The following RHCE variants were observed in gnomAD, a reference collection of about 807,000 sequenced individuals.
RHCE encodes the protein Rh blood group CcEe antigens, also known as blood group Rh(CE) polypeptide.
A neutral mutation model predicts 43.8 loss-of-function variants in RHCE; 22 were observed. The ratio of observed to expected loss-of-function variants is 0.50; its 90% CI spans 0.36 to 0.72. The LOEUF (loss-of-function observed/expected upper bound fraction) is 0.72. Ranked by LOEUF, RHCE falls within the 30% of genes least tolerant of loss-of-function variation. RHCE has a pLI of 0.00. For missense variants in RHCE, 385 were observed against 525.4 expected, an observed-to-expected ratio of 0.73 and a Z score of 2.61; for synonymous variants, 156 against 210.7, an observed-to-expected ratio of 0.74 and a Z score of 2.25.
intron 1 of RHCE, among the ~76,000 whole-genome samples, chr1:25,416,995 G>A (rs933187260): frequency 6.6e-6 from 1 of 150,948 alleles, no homozygotes; most frequent in African/African-American, 2.4e-5. Flanking sequence ...GACCCTACGT[G>A]CCCATCTCCA....
At chr1:25,410,291 T>C (rs1647031721) in intron 1 of RHCE, among the ~76,000 whole-genome samples, 1 of 152,176 alleles carries the variant, frequency 6.6e-6, no homozygotes, top group Non-Finnish European at 1.5e-5. Context: ...AATCACCAAC[T>C]GTTTTCGCAC....
intron 6 of RHCE, among the ~76,000 whole-genome samples, chr1:25,386,996 A>C (rs1446475524): frequency 5.3e-5 from 8 of 152,176 alleles, no homozygotes; most frequent in Non-Finnish European, 1.5e-5. Flanking sequence ...GCACCACTGC[A>C]CTCCAGCCTG....
chr1:25,417,132 C>G (rs623811), intron 1 of RHCE, among the ~76,000 whole-genome samples: 1 of 103,612 alleles, frequency 9.7e-6, no homozygotes, highest in South Asian at 2.4e-4. Flanking sequence ...ACAGATAGAG[C>G]CTTAAAAAAC....
intron 5 of RHCE, among the ~76,000 whole-genome samples, chr1:25,389,800 T>C (rs2375326): frequency 0.053 from 8,032 of 152,158 alleles, 666 homozygotes; most frequent in African/African-American, 0.18. Flanking sequence ...GTTCCTGGGT[T>C]ATAGCTCTGC....
rs2375317 is a variant in RHCE, at chr1:25,394,910, A to G, written c.487-2769T>C. On this transcript the variant is annotated intron_variant, in intron 3 of 9. Transcript: ENST00000294413. ...CTGGTCCCTGGCTCTGGTTCCCCCGAGCCCTCCTGCTGAAGAAACCCAGGC... is the reference window on the plus strand; with the variant it reads ...CTGGTCCCTGGCTCTGGTTCCCCCGGGCCCTCCTGCTGAAGAAACCCAGGC... 1.4e-3 allele frequency among the ~76,000 whole-genome samples: 210 copies of G among 145,810 alleles called. 2 individuals carry two copies. Among genetic ancestry groups the G allele is most frequent in the African/African-American group, 3.7e-3 (148 of 40,240 alleles).
Position 25,429,713 on chromosome 1 carries a change from CA to C in RHCE, c.-137+226del, listed in dbSNP as rs200052186. Among the ~76,000 whole-genome samples, 1,308 of 152,126 alleles carry C rather than the reference CA, an allele frequency of 8.6e-3. 13 individuals carry two copies. The highest frequency in any genetic ancestry group is 0.029 in the African/African-American group (1,194 of 41,498). On this transcript the variant is annotated intron_variant, in intron 1 of 11. Coordinates refer to the RHCE transcript ENST00000349320. ...CCATAGGGGAAAATTGGAAAACAAG[CA>C]AATACAATAAAATGTCAACTGTATT... is the stretch of plus-strand genomic sequence containing the variant.
intron 2 of RHCE, among the ~76,000 whole-genome samples, chr1:25,425,864 G>A (rs1366401877): frequency 6.6e-6 from 1 of 152,198 alleles, no homozygotes; most frequent in African/African-American, 2.4e-5. Flanking sequence ...ATGTGTCCAC[G>A]CCAAGGGTGT....
chr1:25,379,450 A>AGTAT (rs1645889213), intron 7 of RHCE, among the ~76,000 whole-genome samples: 3 of 73,338 alleles, frequency 4.1e-5, no homozygotes, highest in South Asian at 7.2e-4. Context: ...ATAGCACCAA[A>AGTAT]GTATATATAT....
At chr1:25,403,493 G>A (rs1217389110) in intron 2 of RHCE, among the ~76,000 whole-genome samples, 1 of 151,810 alleles carries the variant, frequency 6.6e-6, no homozygotes, top group Non-Finnish European at 1.5e-5. Flanking sequence ...CAATGAGCAT[G>A]CTCAGGAGGA....
intron 1 of RHCE, among the ~76,000 whole-genome samples, chr1:25,416,601 T>C (rs1451221607): frequency 2.6e-5 from 4 of 151,988 alleles, no homozygotes; most frequent in Admixed American, 6.6e-5. Flanking sequence ...GTTATTACAG[T>C]CTCGCTTCAC....
chr1:25,397,497 G>GAA (rs1265383958), intron 3 of RHCE, among the ~76,000 whole-genome samples: 9 of 113,844 alleles, frequency 7.9e-5, no homozygotes, highest in Admixed American at 9.6e-5. Context: ...AACTCCATCT[G>GAA]AAAAAAAAAA....
chr1:25,399,344 G>A lies in RHCE; in HGVS notation c.486+3252C>T, dbSNP rs1296519870. ...TCTCTTAATCACAAGATTATTTTCAGAATTTAACTTTGAGGAAAAGGTTTG... is the reference window on the plus strand; with the variant it reads ...TCTCTTAATCACAAGATTATTTTCAAAATTTAACTTTGAGGAAAAGGTTTG... On this transcript the variant is annotated intron_variant, in intron 3 of 9. Coordinates refer to ENST00000294413, the MANE Select transcript of RHCE (RefSeq NM_020485.8). The A allele has an allele frequency of 1.2e-5, 9 of 751,112 alleles. No individual in the cohort carries two copies. The Admixed American group carries it at 1.9e-4, about 16-fold the overall frequency. The allele number at this position is 751,112 out of a possible 1,614,324, so 46.5% of individuals were successfully genotyped here. A position where few individuals can be genotyped will look rare whatever the true frequency, so the allele number is the denominator to read the frequency against.
intron 1 of RHCE, among the ~76,000 whole-genome samples, chr1:25,417,909 G>A (rs1174448213): frequency 2.0e-5 from 3 of 152,120 alleles, no homozygotes; most frequent in Non-Finnish European, 4.4e-5. Flanking sequence ...CATGGCATCC[G>A]CCATGACCCA....
At chr1:25,412,781 T>C (rs1647134986) in intron 1 of RHCE, among the ~76,000 whole-genome samples, 2 of 150,176 alleles carry the variant, frequency 1.3e-5, no homozygotes, top group Admixed American at 6.6e-5. Flanking sequence ...TCCTAGCACT[T>C]TGGGAGGCTG....
Position 25,362,685 on chromosome 1 carries a change from G to T in RHCE, c.1228-132C>A. On this transcript the variant is annotated intron_variant, in intron 9 of 9. Coordinates refer to ENST00000294413, the MANE Select transcript of RHCE (RefSeq NM_020485.8). ...CTTTCATAAAATCTGAATTGGAAGA[G>T]ATCTTGGATATATAGGTTTTATTTC... 5.2e-6 allele frequency: 3 copies of T among 572,356 alleles called. No individual in the cohort carries two copies. The South Asian group carries it at 6.1e-5, about 12-fold the overall frequency. The allele number at this position is 572,356 out of a possible 1,614,324, so 35.5% of individuals were successfully genotyped here.
chr1:25,385,360 G>C (rs185172257), intron 7 of RHCE: 1 of 387,178 alleles, frequency 2.6e-6, no homozygotes, highest in African/African-American at 2.1e-5. Flanking sequence ...CAGCTAGTAC[G>C]CAGTGGGAGC....
chr1:25,405,441 T>C (rs1422979936), intron 2 of RHCE, among the ~76,000 whole-genome samples: 1 of 152,072 alleles, frequency 6.6e-6, no homozygotes, highest in African/African-American at 2.4e-5. Flanking sequence ...TCACTTGAGG[T>C]CAGGAGTTCG....
chr1:25,376,007 A>T (rs3091301), intron 7 of RHCE, among the ~76,000 whole-genome samples: 443 of 151,802 alleles, frequency 2.9e-3, no homozygotes, highest in African/African-American at 5.7e-3. Flanking sequence ...ACCAGGCTGA[A>T]CTCGAACTCC....
rs181479179 is a variant in RHCE, at chr1:25,408,368, G to A, written c.335+315C>T. 1.9e-3 allele frequency among the ~76,000 whole-genome samples: 237 copies of A among 121,756 alleles called. 26 individuals carry two copies. Among genetic ancestry groups the A allele is most frequent in the African/African-American group, 5.5e-3 (218 of 39,368 alleles). The allele number at this position is 121,756 out of a possible 152,430, so 79.9% of individuals were successfully genotyped here. The stretch of plus-strand genomic sequence containing the variant: ...TCTGTCTAACGTGTTTCCTTCTTAC[G>A]TTTTCCATAAACTTATACTGATTAT... On this transcript the variant is annotated intron_variant, in intron 2 of 9. Transcript: ENST00000294413.
Sources: allele counts gnomAD v4.1 joint callset (sites outside exome capture counted in the v4.1 genomes callset), GRCh38; gene constraint gnomAD v4.1.1; transcripts MANE v1.5; gene names NCBI Gene and HGNC (gene_info 2026-07-23, HGNC 2026-07-21).